Variants in SLC25A26 observed in about 807,000 individuals in gnomAD.
SLC25A26 encodes the protein solute carrier family 25 member 26.
A neutral mutation model predicts 37.8 loss-of-function variants in SLC25A26; 36 were observed. The observed-to-expected ratio is 0.95, with a 90% CI of 0.73 to 1.26. The LOEUF (loss-of-function observed/expected upper bound fraction) is 1.26. Ranked by LOEUF, SLC25A26 falls within the 50% of genes most tolerant of loss-of-function variation. The pLI is 0.00. For synonymous variants in SLC25A26, 129 were observed against 122.5 expected (o/e 1.05, Z -0.35); for missense variants, 390 against 331.1 (o/e 1.18, Z -1.38).
chr3:66,372,066 C>G (rs938141611), intron 9 of SLC25A26, among the ~76,000 whole-genome samples: 3 of 152,212 alleles, frequency 2.0e-5, no homozygotes, highest in Non-Finnish European at 4.4e-5. Context: ...GCTCTCCAGC[C>G]TGGGTGACAG....
intron 1 of SLC25A26, among the ~76,000 whole-genome samples, chr3:66,209,083 T>G (rs2071232006): frequency 4.0e-5 from 1 of 24,744 alleles, no homozygotes; most frequent in Non-Finnish European, 7.0e-5. Context: ...CACACCCATA[T>G]AAAGATGTAT....
At chr3:66,191,355 A>C (rs1287950891) in intron 1 of SLC25A26, among the ~76,000 whole-genome samples, 2 of 152,172 alleles carry the variant, frequency 1.3e-5, no homozygotes, top group Non-Finnish European at 2.9e-5. Context: ...TGACTGTGCC[A>C]CTGCACTCCA....
At chr3:66,246,885 G>A (rs1680397) in intron 3 of SLC25A26, among the ~76,000 whole-genome samples, 29,175 of 152,026 alleles carry the variant, frequency 0.19, 3,633 homozygotes, top group Middle Eastern at 0.41. Context: ...TGTTTAAGAC[G>A]GAGTCTTGCT....
chr3:66,147,144 C>A (rs2070130420), intron 1 of SLC25A26, among the ~76,000 whole-genome samples: 1 of 103,208 alleles, frequency 9.7e-6, no homozygotes, highest in Admixed American at 1.1e-4. Context: ...CTGCCCTCCC[C>A]GTCCCTCTTT....
intron 5 of SLC25A26, among the ~76,000 whole-genome samples, chr3:66,268,615 A>G (rs1482445305): frequency 2.0e-5 from 3 of 152,232 alleles, no homozygotes; most frequent in East Asian, 1.9e-4. Flanking sequence ...GTACGTGCTC[A>G]GGAAATGTTA....
intron 6 of SLC25A26, among the ~76,000 whole-genome samples, chr3:66,348,904 T>C (rs1372629459): frequency 5.9e-5 from 9 of 152,336 alleles, no homozygotes; most frequent in African/African-American, 2.2e-4. Flanking sequence ...TCCATTAGTA[T>C]AACAGCTCTC....
At chr3:66,275,293 T>A (rs2074101165) in intron 5 of SLC25A26, among the ~76,000 whole-genome samples, 1 of 151,406 alleles carries the variant, frequency 6.6e-6, no homozygotes, top group Admixed American at 6.6e-5. Context: ...GAGATACATC[T>A]AATGCTAAAT....
chr3:66,179,278 C>T (rs928609928), intron 1 of SLC25A26, among the ~76,000 whole-genome samples: 1 of 152,052 alleles, frequency 6.6e-6, no homozygotes, highest in South Asian at 2.1e-4. Flanking sequence ...GCAAAATTGC[C>T]GATTTGATAT....
At chr3:66,363,682 A>G (rs1409730703) in intron 7 of SLC25A26, among the ~76,000 whole-genome samples, 1 of 152,246 alleles carries the variant, frequency 6.6e-6, no homozygotes, top group Non-Finnish European at 1.5e-5. Flanking sequence ...GGAAACTTTT[A>G]GTTGAGATGT....
intron 5 of SLC25A26, among the ~76,000 whole-genome samples, chr3:66,306,017 C>T (rs1310840690): frequency 6.6e-6 from 1 of 151,996 alleles, no homozygotes; most frequent in African/African-American, 2.4e-5. Context: ...TGGAGTCTCG[C>T]TCTGTTGCCT....
intron 5 of SLC25A26, among the ~76,000 whole-genome samples, chr3:66,270,201 A>G (rs1005500227): frequency 3.9e-5 from 6 of 152,310 alleles, no homozygotes; most frequent in African/African-American, 1.4e-4. Flanking sequence ...GTCTTCTTAA[A>G]CCTTGAAAAA....
chr3:66,271,937 T>C (rs1479561690), intron 5 of SLC25A26, among the ~76,000 whole-genome samples: 1 of 152,158 alleles, frequency 6.6e-6, no homozygotes, highest in Non-Finnish European at 1.5e-5. Flanking sequence ...TAAAAATTAT[T>C]TGGTGGTCTC....
At chr3:66,355,941 A>G (rs2076564224) in intron 6 of SLC25A26, 1 of 445,492 alleles carries the variant, frequency 2.2e-6, no homozygotes, top group Non-Finnish European at 4.5e-6. Flanking sequence ...ATGTGATGTT[A>G]CTAATTTGGA....
chr3:66,313,572 C>T (rs1397649068), intron 5 of SLC25A26, among the ~76,000 whole-genome samples: 1 of 152,092 alleles, frequency 6.6e-6, no homozygotes, highest in Non-Finnish European at 1.5e-5. Flanking sequence ...CAGCTTTGTT[C>T]TTTTTGCTTA....
chr3:66,338,997 A>C (rs1295648072), intron 5 of SLC25A26, among the ~76,000 whole-genome samples: 1 of 151,938 alleles, frequency 6.6e-6, no homozygotes, highest in Admixed American at 6.6e-5. Context: ...ATGTACTTAG[A>C]ATGTTCAGCT....
At chr3:66,230,828 A>AC (rs1382436619) in intron 1 of SLC25A26, among the ~76,000 whole-genome samples, 30 of 148,646 alleles carry the variant, frequency 2.0e-4, no homozygotes, top group Non-Finnish European at 7.4e-5. Context: ...AACAAAAAAA[A>AC]ACCAGAATTT....
At chr3:66,249,177 A>G (rs1464345343) in intron 3 of SLC25A26, among the ~76,000 whole-genome samples, 1 of 151,956 alleles carries the variant, frequency 6.6e-6, no homozygotes, top group African/African-American at 2.4e-5. Context: ...GTGACAATGA[A>G]CTCAGACATG....
chr3:66,227,140 A>G (rs140387939), intron 1 of SLC25A26, among the ~76,000 whole-genome samples: 34 of 152,302 alleles, frequency 2.2e-4, no homozygotes, highest in African/African-American at 7.5e-4. Context: ...TAATGCGAAG[A>G]CTTGCTGACA....
chr3:66,136,080 C>CT (rs1414194673), intron 1 of SLC25A26, among the ~76,000 whole-genome samples: 2 of 152,076 alleles, frequency 1.3e-5, no homozygotes, highest in Admixed American at 6.6e-5. Context: ...GCAAATATTT[C>CT]TTGTTCATAA....
Sources: gnomAD v4.1 joint callset for allele counts (sites outside exome capture counted in the v4.1 genomes callset) on GRCh38, gnomAD v4.1.1 for gene constraint, MANE v1.5 for transcripts, NCBI Gene and HGNC (gene_info 2026-07-23, HGNC 2026-07-21) for gene names.